HECW2: variants seen among roughly 807,000 people sequenced by gnomAD.
The protein encoded by HECW2 is HECT, C2 and WW domain containing E3 ubiquitin protein ligase 2.
In HECW2, 61 loss-of-function variants were observed where a neutral mutation model predicts 175.2. The observed-to-expected ratio is 0.35, with a 90% CI of 0.28 to 0.43. The LOEUF is 0.43. HECW2 is among the 20% of genes least tolerant of loss of function. HECW2 has a pLI of 1.00. For synonymous variants in HECW2, 671 were observed against 731.0 expected (o/e 0.92, Z 1.32); for missense variants, 1,524 against 2,000.5 (o/e 0.76, Z 4.54).
chr2:196,432,213 C>CT (rs1695735015), intron 2 of HECW2, among the ~76,000 whole-genome samples: 1 of 151,616 alleles, frequency 6.6e-6, no homozygotes. Context: ...ACAGATGGGT[C>CT]TTTTTTTCCT....
chr2:196,253,298 T>C (rs1869796), intron 19 of HECW2, among the ~76,000 whole-genome samples: 83,500 of 152,132 alleles, frequency 0.55, 26,259 homozygotes, highest in Non-Finnish European at 0.7. Flanking sequence ...TCTGCTATTC[T>C]GTCAACATCA....
intron 26 of HECW2, among the ~76,000 whole-genome samples, chr2:196,219,567 G>T (rs1335044689): frequency 6.6e-6 from 1 of 152,072 alleles, no homozygotes; most frequent in Non-Finnish European, 1.5e-5. Flanking sequence ...TTGTATTTTG[G>T]GAACTGTGTC....
chr2:196,246,422 G>A (rs1460694745), intron 19 of HECW2, among the ~76,000 whole-genome samples: 1 of 152,028 alleles, frequency 6.6e-6, no homozygotes, highest in Non-Finnish European at 1.5e-5. Context: ...GTCTCACTCT[G>A]TCGCCCAGGC....
intron 1 of HECW2, among the ~76,000 whole-genome samples, chr2:196,582,045 G>A (rs1690804432): frequency 6.9e-6 from 1 of 144,212 alleles, no homozygotes; most frequent in South Asian, 2.1e-4. Context: ...CAGCCTGGGT[G>A]ACATAGTGAG....
chr2:196,313,922 A>G (rs918067597), intron 10 of HECW2, among the ~76,000 whole-genome samples: 5 of 152,142 alleles, frequency 3.3e-5, no homozygotes, highest in African/African-American at 1.2e-4. Context: ...CCAGCCAGGC[A>G]TGATCATGCT....
At chr2:196,586,168 C>A (rs1364340347) in intron 1 of HECW2, among the ~76,000 whole-genome samples, 2 of 152,146 alleles carry the variant, frequency 1.3e-5, no homozygotes, top group Non-Finnish European at 1.5e-5. Context: ...CTGAAAATAT[C>A]ACTTCCTTAA....
intron 14 of HECW2, among the ~76,000 whole-genome samples, chr2:196,282,842 G>A (rs1487582707): frequency 6.6e-6 from 1 of 152,136 alleles, no homozygotes; most frequent in East Asian, 1.9e-4. Flanking sequence ...TTCCATCATG[G>A]CCTGAACTAG....
At chr2:196,359,700 G>A (rs1247032041) in intron 2 of HECW2, among the ~76,000 whole-genome samples, 4 of 152,190 alleles carry the variant, frequency 2.6e-5, no homozygotes, top group African/African-American at 9.7e-5. Flanking sequence ...TAATATGGAT[G>A]AGGAACTATA....
At chr2:196,455,897 A>G (rs1382197159) in intron 1 of HECW2, among the ~76,000 whole-genome samples, 1 of 151,888 alleles carries the variant, frequency 6.6e-6, no homozygotes, top group Non-Finnish European at 1.5e-5. Context: ...AGAAAAAATT[A>G]GAACACCATT....
chr2:196,325,499 T>C (rs888508910), intron 5 of HECW2, among the ~76,000 whole-genome samples: 2 of 152,210 alleles, frequency 1.3e-5, no homozygotes, highest in African/African-American at 4.8e-5. Context: ...TGGGAACTCT[T>C]TTGATTCCAA....
Position 196,433,115 on chromosome 2 carries a change from C to T in HECW2, c.292+17G>A, listed in dbSNP as rs1204884179. On this transcript the variant is annotated intron_variant, in intron 2 of 28. Transcript: ENST00000644978. ...GTATGCTCTGAGTCACATGCAAGTC[C>T]ATTCCACTTGACTCACCTATATGAT... 7 of 1,584,406 alleles carry T rather than the reference C, an allele frequency of 4.4e-6. No individual in the cohort carries two copies. The Middle Eastern group carries it at 1.0e-3, about 229-fold the overall frequency.
rs373038102 is a variant in HECW2, at chr2:196,542,038, C to T, written c.-36+51470G>A. ...CAGCACTTTGGGAGGCTGAGGTGGG[C>T]GGATCACGAGGTCAGGAGTTCGAGA... On this transcript the variant is annotated intron_variant, in intron 1 of 28. Coordinates refer to ENST00000644978, the MANE Select transcript of HECW2 (RefSeq NM_001348768.2). Among the ~76,000 whole-genome samples, 423 of 151,794 alleles carry T rather than the reference C, an allele frequency of 2.8e-3. 3 individuals are homozygous for T. Among genetic ancestry groups the T allele is most frequent in the African/African-American group, 9.4e-3 (388 of 41,430 alleles).
intron 1 of HECW2, among the ~76,000 whole-genome samples, chr2:196,579,578 T>C (rs547046538): frequency 1.3e-5 from 2 of 152,284 alleles, no homozygotes; most frequent in South Asian, 4.1e-4. Flanking sequence ...AAAATATATA[T>C]ACCATGTGTT....
At chr2:196,456,922 C>T (rs1249359358) in intron 1 of HECW2, among the ~76,000 whole-genome samples, 1 of 152,170 alleles carries the variant, frequency 6.6e-6, no homozygotes, top group Non-Finnish European at 1.5e-5. Flanking sequence ...ACATCTAACA[C>T]ATGTGTGAAC....
intron 13 of HECW2, among the ~76,000 whole-genome samples, chr2:196,305,652 T>C (rs1445442297): frequency 6.6e-6 from 1 of 152,206 alleles, no homozygotes; most frequent in Non-Finnish European, 1.5e-5. Context: ...TCATTATTTA[T>C]GTATTATTAT....
intron 2 of HECW2, among the ~76,000 whole-genome samples, chr2:196,363,209 C>T (rs1246213745): frequency 6.6e-6 from 1 of 151,968 alleles, no homozygotes; most frequent in Non-Finnish European, 1.5e-5. Flanking sequence ...TAGCAAACAA[C>T]AATAATAGCA....
At chr2:196,246,693 A>G (rs542029571) in intron 19 of HECW2, among the ~76,000 whole-genome samples, 2 of 152,198 alleles carry the variant, frequency 1.3e-5, no homozygotes, top group South Asian at 4.2e-4. Flanking sequence ...CCCTGCCAAG[A>G]AACATGTTTT....
intron 1 of HECW2, among the ~76,000 whole-genome samples, chr2:196,523,849 T>G (rs1453352243): frequency 6.6e-6 from 1 of 152,094 alleles, no homozygotes; most frequent in Non-Finnish European, 1.5e-5. Context: ...GTGGATAAGC[T>G]TTTTGATGTG....
chr2:196,341,473 T>G (rs951318490), intron 3 of HECW2, among the ~76,000 whole-genome samples: 1 of 152,342 alleles, frequency 6.6e-6, no homozygotes. Context: ...ATTACTTAGA[T>G]AGTCGTGCCA....
Sources: gnomAD v4.1 joint callset for allele counts (sites outside exome capture counted in the v4.1 genomes callset) on GRCh38, gnomAD v4.1.1 for gene constraint, MANE v1.5 for transcripts, NCBI Gene and HGNC (gene_info 2026-07-23, HGNC 2026-07-21) for gene names.